Variants in USP9X observed in about 807,000 individuals in gnomAD.
USP9X encodes the protein ubiquitin carboxyl-terminal hydrolase 9X.
A neutral mutation model predicts 190.3 loss-of-function variants in USP9X; 7 were observed. The observed-to-expected ratio is 0.04, with a 90% CI of 0.02 to 0.07. USP9X has a LOEUF of 0.07. Among genes scored for constraint, USP9X ranks in the 10% least tolerant of loss-of-function variants. The pLI is 1.00. For missense variants in USP9X, 1,010 were observed against 1,916.9 expected, an observed-to-expected ratio of 0.53 and a Z score of 8.83; for synonymous variants, 645 against 659.5, an observed-to-expected ratio of 0.98 and a Z score of 0.34.
chrX:41,219,605 T>A (rs752303591), intron 38 of USP9X, among the ~76,000 whole-genome samples: 1 of 111,695 alleles, frequency 9.0e-6, no homozygotes, highest in Non-Finnish European at 1.9e-5. Flanking sequence ...GTTGTGATAC[T>A]CACCAAATTT....
chrX:41,093,209 T>C (rs2061966379), intron 1 of USP9X, among the ~76,000 whole-genome samples: 2 of 111,893 alleles, frequency 1.8e-5, no homozygotes, highest in Admixed American at 1.9e-4. Flanking sequence ...TGAACCTCCT[T>C]TCCTTAAGTC....
intron 1 of USP9X, among the ~76,000 whole-genome samples, chrX:41,088,278 G>A (rs2061928113): frequency 8.9e-6 from 1 of 112,254 alleles, no homozygotes; most frequent in Non-Finnish European, 1.9e-5. Flanking sequence ...GCTCAAGTAG[G>A]ATTTACTTTA....
Position 41,140,952 on chromosome X carries a change from C to CTA in USP9X, c.771-13_771-12insAT. Reference sequence around the variant, plus strand: ...TTGCGTATTTACAGGAGTTTTGTATCTTTCTTATTTCAGACCATTTGGGCA... The same window carrying CTA: ...TTGCGTATTTACAGGAGTTTTGTATCTATTTCTTATTTCAGACCATTTGGGCA... On this transcript the variant is annotated splice_polypyrimidine_tract_variant and intron_variant, in intron 7 of 44. Coordinates refer to ENST00000378308, the MANE Select transcript of USP9X (RefSeq NM_001039591.3). 1 of 1,157,535 alleles carries CTA rather than the reference C, an allele frequency of 8.6e-7. No homozygotes were observed. The highest frequency in any genetic ancestry group is 1.1e-6 in the Non-Finnish European group (1 of 874,758).
chrX:41,152,242 G>A (rs2062534632), intron 13 of USP9X, among the ~76,000 whole-genome samples: 1 of 111,614 alleles, frequency 9.0e-6, no homozygotes, highest in African/African-American at 3.3e-5. Flanking sequence ...AATATTTGAG[G>A]AGCATATTTT....
intron 11 of USP9X, among the ~76,000 whole-genome samples, chrX:41,146,763 T>C (rs1403239095): frequency 9.8e-6 from 1 of 101,965 alleles, no homozygotes; most frequent in East Asian, 3.0e-4. Context: ...TGATATATTT[T>C]GAATGCTAAT....
intron 1 of USP9X, among the ~76,000 whole-genome samples, chrX:41,122,273 A>G (rs1328599963): frequency 9.0e-6 from 1 of 111,191 alleles, no homozygotes; most frequent in Non-Finnish European, 1.9e-5. Flanking sequence ...TTTACTCTGT[A>G]TGCGTGCACC....
At position 41,099,096 on chromosome X, in the gene USP9X, G is replaced by GTTTTTTTTTTTTTT. The variant is rs34179321; in HGVS notation, c.-159+13000_-159+13013dup. 9.5e-4 allele frequency among the ~76,000 whole-genome samples: 42 copies of GTTTTTTTTTTTTTT among 44,264 alleles called. 3 individuals carry two copies. Among genetic ancestry groups the GTTTTTTTTTTTTTT allele is most frequent in the African/African-American group, 1.8e-3 (18 of 9,928 alleles). 38.4% of individuals were successfully genotyped at this position (44,264 alleles called of 115,157 possible). A position where few individuals can be genotyped will look rare whatever the true frequency, so the allele number is the denominator to read the frequency against. The stretch of plus-strand genomic sequence containing the variant: ...CACATGCCATAATGCCCAGATAATT[G>GTTTTTTTTTTTTTT]TTTTTTTTTTTTTTTTTTTTTTTTT... On this transcript the variant is annotated intron_variant, in intron 1 of 44. Transcript: ENST00000378308.
In USP9X at chrX:41,166,222, A is replaced by T; in HGVS notation, c.2328+8A>T. On this transcript the variant is annotated splice_region_variant and intron_variant, in intron 16 of 44. Coordinates refer to ENST00000378308, the MANE Select transcript of USP9X (RefSeq NM_001039591.3). ...TTAGATTACCTTTGGAGGGTAAGTCAAAAGTAGGAACTCTGTAAATGGTGT... is the reference window on the plus strand; with the variant it reads ...TTAGATTACCTTTGGAGGGTAAGTCTAAAGTAGGAACTCTGTAAATGGTGT... The T allele has an allele frequency of 8.9e-7, 1 of 1,123,647 alleles. No individual in the cohort carries two copies. Among genetic ancestry groups the T allele is most frequent in the African/African-American group, 1.8e-5 (1 of 55,360 alleles). 92.6% of individuals were successfully genotyped at this position (1,123,647 alleles called of 1,213,427 possible). A position where few individuals can be genotyped will look rare whatever the true frequency, so the allele number is the denominator to read the frequency against.
chrX:41,198,517 C>T lies in USP9X; in HGVS notation c.4381-11C>T. ...CATTGCTAATATGTAATCCCTTTTT[C>T]AACTTTTTAGGAATTAATTGATGAT... On this transcript the variant is annotated splice_polypyrimidine_tract_variant and intron_variant, in intron 29 of 44. Coordinates refer to ENST00000378308, the MANE Select transcript of USP9X (RefSeq NM_001039591.3). 1 of 1,173,034 alleles carries T rather than the reference C, an allele frequency of 8.5e-7. No individual in the cohort carries two copies. The highest frequency in any genetic ancestry group is 1.1e-6 in the Non-Finnish European group (1 of 871,399).
intron 1 of USP9X, among the ~76,000 whole-genome samples, chrX:41,115,221 CAAA>C (rs752591677): frequency 2.3e-5 from 1 of 42,851 alleles, no homozygotes; most frequent in Non-Finnish European, 4.5e-5. Flanking sequence ...ACTCCGTCTC[CAAA>C]AAAAAAAAAA....
rs192163059 is a variant in USP9X, at chrX:41,177,830, G to T, written c.3148+5872G>T. On this transcript the variant is annotated intron_variant, in intron 21 of 44. Coordinates refer to ENST00000378308, the MANE Select transcript of USP9X (RefSeq NM_001039591.3). ...TCTTATGGGTTTATTTTATTCATTGGGTTATAACCATTGTAATGGTTATTT... is the reference window on the plus strand; with the variant it reads ...TCTTATGGGTTTATTTTATTCATTGTGTTATAACCATTGTAATGGTTATTT... 3.6e-5 allele frequency among the ~76,000 whole-genome samples: 4 copies of T among 110,078 alleles called. No homozygotes were observed. In the Admixed American group the frequency reaches 3.9e-4, roughly 11 times the overall value.
chrX:41,175,567 C>G (rs1249145517), intron 21 of USP9X, among the ~76,000 whole-genome samples: 1 of 110,649 alleles, frequency 9.0e-6, no homozygotes, highest in Admixed American at 9.6e-5. Flanking sequence ...CATCCTGTAC[C>G]CTCTCTGCCC....
chrX:41,192,219 A>G (rs189624578), intron 26 of USP9X, among the ~76,000 whole-genome samples: 3 of 112,183 alleles, frequency 2.7e-5, no homozygotes, highest in African/African-American at 9.7e-5. Context: ...AATTTGGCTT[A>G]TAAGCACTCC....
At chrX:41,204,859 C>G (rs1178474345) in intron 31 of USP9X, among the ~76,000 whole-genome samples, 1 of 111,691 alleles carries the variant, frequency 9.0e-6, no homozygotes, top group Non-Finnish European at 1.9e-5. Flanking sequence ...TGTCATTAAG[C>G]AAAGAATGAC....
chrX:41,183,015 T>C lies in USP9X; in HGVS notation c.3149-983T>C, dbSNP rs570448864. ...GTGCAGTGGCGCAACCTTGGCTCAC[T>C]GCAACGTCCGCCTCCCAGGTTAAAG... On this transcript the variant is annotated intron_variant, in intron 21 of 44. Coordinates refer to ENST00000378308, the MANE Select transcript of USP9X (RefSeq NM_001039591.3). Among the ~76,000 whole-genome samples the C allele has an allele frequency of 2.5e-4, 27 of 109,112 alleles. 1 individual carries two copies. In the East Asian group the frequency reaches 6.9e-3, roughly 28 times the overall value. 94.8% of individuals were successfully genotyped at this position (109,112 alleles called of 115,157 possible). A position where few individuals can be genotyped will look rare whatever the true frequency, so the allele number is the denominator to read the frequency against.
chrX:41,221,580 G>A (rs577928724), intron 38 of USP9X, among the ~76,000 whole-genome samples: 1 of 111,408 alleles, frequency 9.0e-6, no homozygotes, highest in African/African-American at 3.3e-5. Flanking sequence ...TAAACTTGGC[G>A]TGGCTTATTG....
chrX:41,162,237 T>C (rs1221983077), intron 14 of USP9X, among the ~76,000 whole-genome samples: 1 of 112,043 alleles, frequency 8.9e-6, no homozygotes, highest in Admixed American at 9.5e-5. Context: ...GGATCTGATA[T>C]GGAAATATAG....
rs896280447 is a variant in USP9X at position 41,216,523 on chromosome X, G to A, written c.5956G>A (p.Ala1986Thr). 1.7e-6 allele frequency: 2 copies of A among 1,211,505 alleles called. No homozygotes were observed. Among genetic ancestry groups the A allele is most frequent in the Non-Finnish European group, 2.2e-6 (2 of 895,490 alleles). Residue 1986 changes from alanine (A) to threonine (T), a missense_variant, in exon 35 of 45, where the codon GCC becomes ACC. Physicochemically the swap from Ala to Thr is moderately conservative, Grantham distance 58. Coordinates refer to ENST00000378308, the MANE Select transcript of USP9X (RefSeq NM_001039591.3). Reference protein sequence around the residue: ...TRPHQIIMPSAIERSVRKQNV... With the variant: ...TRPHQIIMPSTIERSVRKQNV... ...ACCTCATCAGATTATTATGCCATCAGCCATTGAGAGAAGTGTACGGAAACA... is the reference window on the plus strand; with the variant it reads ...ACCTCATCAGATTATTATGCCATCAACCATTGAGAGAAGTGTACGGAAACA...
intron 34 of USP9X, 148 bp downstream of exon 34, chrX:41,214,857 C>G: frequency 5.1e-6 from 3 of 584,558 alleles, no homozygotes. Flanking sequence ...AATATGATAA[C>G]TAATAGAAGG....
Sources: allele counts gnomAD v4.1 joint callset (sites outside exome capture counted in the v4.1 genomes callset), GRCh38; gene constraint gnomAD v4.1.1; transcripts MANE v1.5; gene names NCBI Gene and HGNC (gene_info 2026-07-23, HGNC 2026-07-21).